The following SYCP1 variants were observed in gnomAD, a reference collection of about 807,000 sequenced individuals.
The protein encoded by SYCP1 is cancer/testis antigen 8.
Under a neutral mutation model 153.1 loss-of-function variants are expected in SYCP1, and 64 were observed. The observed-to-expected ratio is 0.42, with a 90% CI of 0.34 to 0.51. SYCP1 has a LOEUF of 0.51. Ranked by LOEUF, SYCP1 falls within the 20% of genes least tolerant of loss-of-function variation. The pLI, the probability that SYCP1 is intolerant of heterozygous loss-of-function variation, is 0.06. For synonymous variants in SYCP1, 384 were observed against 341.8 expected, an observed-to-expected ratio of 1.12 and a Z score of -1.36; for missense variants, 997 against 1,049.0, an observed-to-expected ratio of 0.95 and a Z score of 0.68.
At chr1:114,975,887 G>C (rs1389115187) in intron 27 of SYCP1, among the ~76,000 whole-genome samples, 1 of 151,736 alleles carries the variant, frequency 6.6e-6, no homozygotes, top group Admixed American at 6.6e-5. Flanking sequence ...TCTGTGGTCA[G>C]AACAAACATG....
At chr1:114,912,780 C>T (rs1157621098) in intron 18 of SYCP1, among the ~76,000 whole-genome samples, 4 of 151,596 alleles carry the variant, frequency 2.6e-5, no homozygotes, top group African/African-American at 9.7e-5. Flanking sequence ...AAACAGGGAA[C>T]ATGCAAGGAA....
At chr1:114,900,379 C>T (rs914778117) in intron 16 of SYCP1, among the ~76,000 whole-genome samples, 1 of 152,042 alleles carries the variant, frequency 6.6e-6, no homozygotes, top group Non-Finnish European at 1.5e-5. Context: ...CTCCCAGGTT[C>T]AAGTGATTTT....
At chr1:114,960,460 G>A (rs1379150145) in intron 27 of SYCP1, among the ~76,000 whole-genome samples, 2 of 152,030 alleles carry the variant, frequency 1.3e-5, no homozygotes, top group Admixed American at 6.6e-5. Flanking sequence ...GAGCCACCAC[G>A]CCCAGCCTAT....
intron 27 of SYCP1, among the ~76,000 whole-genome samples, chr1:114,972,761 G>T (rs1672576976): frequency 6.6e-6 from 1 of 152,122 alleles, no homozygotes; most frequent in Non-Finnish European, 1.5e-5. Context: ...TGTCAGAGAA[G>T]ATACTTGATG....
At chr1:114,878,671 G>A (rs1226428619) in intron 12 of SYCP1, among the ~76,000 whole-genome samples, 1 of 152,088 alleles carries the variant, frequency 6.6e-6, no homozygotes, top group African/African-American at 2.4e-5. Context: ...AGCCTCCCTA[G>A]TAGCTGGGAC....
intron 20 of SYCP1, among the ~76,000 whole-genome samples, chr1:114,915,022 C>T (rs371345885): frequency 6.0e-5 from 9 of 150,780 alleles, no homozygotes; most frequent in East Asian, 1.9e-4. Flanking sequence ...ATGCCCCCCA[C>T]GACTTTATGC....
At chr1:114,947,706 G>A (rs113616841) in intron 27 of SYCP1, among the ~76,000 whole-genome samples, 3 of 149,640 alleles carry the variant, frequency 2.0e-5, no homozygotes, top group African/African-American at 7.4e-5. Flanking sequence ...CCAGCTACTC[G>A]GGAGGCTGAG....
chr1:114,938,080 A>G (rs1050365640), intron 23 of SYCP1, among the ~76,000 whole-genome samples: 2 of 152,212 alleles, frequency 1.3e-5, no homozygotes, highest in African/African-American at 4.8e-5. Flanking sequence ...TCATGCTGCT[A>G]TAAAGGCACA....
chr1:114,856,737 A>G, intron 3 of SYCP1, 80 bp downstream of exon 3: 3 of 1,039,350 alleles, frequency 2.9e-6, no homozygotes, highest in Non-Finnish European at 4.2e-6. Flanking sequence ...AAAATGTAAC[A>G]TAAGTATTAT....
At chr1:114,974,929 A>C (rs748854237) in intron 27 of SYCP1, among the ~76,000 whole-genome samples, 2 of 151,786 alleles carry the variant, frequency 1.3e-5, no homozygotes, top group Non-Finnish European at 3.0e-5. Context: ...TGACTGTACC[A>C]TTTGACATTC....
intron 12 of SYCP1, among the ~76,000 whole-genome samples, chr1:114,884,922 T>C (rs1428520232): frequency 1.3e-5 from 2 of 152,122 alleles, no homozygotes; most frequent in East Asian, 3.8e-4. Context: ...ATAAAACATA[T>C]AGACTAGTAC....
At chr1:114,883,448 C>T (rs1570695083) in intron 12 of SYCP1, among the ~76,000 whole-genome samples, 2 of 152,234 alleles carry the variant, frequency 1.3e-5, no homozygotes. Flanking sequence ...ATTGTGAGGT[C>T]ATGTAACTTT....
intron 28 of SYCP1, among the ~76,000 whole-genome samples, chr1:114,981,046 G>C (rs956124467): frequency 2.6e-5 from 4 of 151,830 alleles, no homozygotes; most frequent in Admixed American, 6.6e-5. Flanking sequence ...TTGGCTTTCT[G>C]TTCCTGCATT....
intron 25 of SYCP1, among the ~76,000 whole-genome samples, chr1:114,945,310 G>A (rs1670640867): frequency 6.6e-6 from 1 of 151,908 alleles, no homozygotes; most frequent in African/African-American, 2.4e-5. Context: ...ACCAGGATAA[G>A]TATCTCATTG....
In SYCP1 at chr1:114,908,223, T is replaced by G. The variant is rs78255367; in HGVS notation, c.1321-2174T>G. On this transcript the variant is annotated intron_variant, in intron 16 of 31. Transcript: ENST00000369522. ...TTATAGGATTGTGGGTTGACAGTTT[T>G]GTTTCTTTCAGCACCTTAAAGATGA... Among the ~76,000 whole-genome samples the G allele has an allele frequency of 7.2e-4, 110 of 152,058 alleles. 3 individuals carry two copies. The East Asian group carries it at 0.021, about 29-fold the overall frequency.
chr1:114,881,299 C>T (rs982354337), intron 12 of SYCP1, among the ~76,000 whole-genome samples: 3 of 151,646 alleles, frequency 2.0e-5, no homozygotes, highest in African/African-American at 4.9e-5. Context: ...TCATTCAGAC[C>T]ATTTTCTTTC....
chr1:114,947,560 T>C (rs940248481), intron 27 of SYCP1, among the ~76,000 whole-genome samples: 7 of 151,936 alleles, frequency 4.6e-5, no homozygotes, highest in Admixed American at 2.0e-4. Flanking sequence ...ATGTCTGTAA[T>C]CCCAGCACTT....
chr1:114,879,114 T>A (rs1158107309), intron 12 of SYCP1, among the ~76,000 whole-genome samples: 1 of 152,182 alleles, frequency 6.6e-6, no homozygotes, highest in Admixed American at 6.5e-5. Flanking sequence ...AAGATTTGGA[T>A]CCCTTTATGA....
At position 114,994,968 on chromosome 1, in the gene SYCP1, T is replaced by C. The variant is rs1207389366; in HGVS notation, c.2880T>C (p.Ala960=). The change falls in exon 32 of 32, where the codon GCT becomes GCC. Residue 960 remains alanine (A), a synonymous_variant. Transcript: ENST00000369522. ...GGGAGGACCGTTGGGCTGTAATTGC[T>C]AAAATGGATAGAAAAAAAAAACTAA... ...KMREDRWAVI[A]KMDRKKKLKE... 2 of 1,606,278 alleles carry C rather than the reference T, an allele frequency of 1.2e-6. No homozygotes were observed. Among genetic ancestry groups the C allele is most frequent in the Non-Finnish European group, 8.5e-7 (1 of 1,176,198 alleles).
Sources: gnomAD v4.1 joint callset for allele counts (sites outside exome capture counted in the v4.1 genomes callset) on GRCh38, gnomAD v4.1.1 for gene constraint, MANE v1.5 for transcripts, NCBI Gene and HGNC (gene_info 2026-07-23, HGNC 2026-07-21) for gene names.